The following GABRB1 variants were observed in gnomAD, a reference collection of about 807,000 sequenced individuals.
The protein encoded by GABRB1 is gamma-aminobutyric acid receptor subunit beta-1.
A neutral mutation model predicts 51.6 loss-of-function variants in GABRB1; 17 were observed. That is an observed-to-expected ratio of 0.33 (90% CI 0.23 to 0.49). GABRB1 has a LOEUF of 0.49. GABRB1 is among the 20% of genes least tolerant of loss of function. The probability of loss-of-function intolerance (pLI) is 0.99; values close to 1 mark genes in which losing one functional copy is unlikely to be tolerated. For missense variants in GABRB1, 410 were observed against 600.6 expected, an observed-to-expected ratio of 0.68 and a Z score of 3.32; for synonymous variants, 247 against 218.9, an observed-to-expected ratio of 1.13 and a Z score of -1.14.
intron 3 of GABRB1, among the ~76,000 whole-genome samples, chr4:47,046,794 A>G (rs1452258539): frequency 3.3e-5 from 5 of 152,202 alleles, no homozygotes; most frequent in Admixed American, 6.6e-5. Context: ...CATATACACC[A>G]TGGAATACTA....
At chr4:47,374,082 C>T (rs905959249) in intron 5 of GABRB1, among the ~76,000 whole-genome samples, 3 of 152,098 alleles carry the variant, frequency 2.0e-5, no homozygotes, top group African/African-American at 7.2e-5. Context: ...GAGAATTGCA[C>T]CCAGAAAATG....
chr4:47,017,069 T>G (rs916069306), intron 1 of GABRB1, among the ~76,000 whole-genome samples: 2 of 152,218 alleles, frequency 1.3e-5, no homozygotes, highest in Admixed American at 6.5e-5. Context: ...TCTTAGATTG[T>G]AGGAAGTGCT....
chr4:47,019,627 CTTTCTTTCTTTCTT>C (rs1724855579), intron 1 of GABRB1, among the ~76,000 whole-genome samples: 1 of 87,646 alleles, frequency 1.1e-5, no homozygotes, highest in Non-Finnish European at 2.3e-5. Context: ...CTTTCTCTCT[CTTTCTTTCTTTCTT>C]TCTTTCTTTC....
At position 47,006,638 on chromosome 4, in the gene GABRB1, T is replaced by A. The variant is rs190706739; in HGVS notation, c.-20+12712T>A. Among the ~76,000 whole-genome samples, 3 of 152,320 alleles carry A rather than the reference T, an allele frequency of 2.0e-5. No individual in the cohort carries two copies. The East Asian group carries it at 5.8e-4, about 29-fold the overall frequency. On this transcript the variant is annotated intron_variant, in intron 1 of 3. Transcript: ENST00000513567. Reference sequence around the variant, plus strand: ...AGAATAAAAAATCATTATATCTAGGTTTAGCATAAGGTTCTGTAACTAACA... The same window carrying A: ...AGAATAAAAAATCATTATATCTAGGATTAGCATAAGGTTCTGTAACTAACA...
At chr4:47,250,051 T>C (rs1328287144) in intron 4 of GABRB1, among the ~76,000 whole-genome samples, 1 of 152,142 alleles carries the variant, frequency 6.6e-6, no homozygotes, top group African/African-American at 2.4e-5. Context: ...AGGTCTTGTG[T>C]GATTTATGCT....
chr4:47,371,596 T>A (rs1727199216), intron 5 of GABRB1, among the ~76,000 whole-genome samples: 1 of 152,258 alleles, frequency 6.6e-6, no homozygotes, highest in South Asian at 2.1e-4. Context: ...CTCACGAGCA[T>A]CTGTTGTTTC....
chr4:47,357,390 G>T (rs1726625209), intron 5 of GABRB1, among the ~76,000 whole-genome samples: 1 of 152,134 alleles, frequency 6.6e-6, no homozygotes, highest in Non-Finnish European at 1.5e-5. Flanking sequence ...CTACATATGT[G>T]GTGAATGTTG....
intron 5 of GABRB1, among the ~76,000 whole-genome samples, chr4:47,357,750 C>A (rs962644705): frequency 2.0e-5 from 3 of 152,138 alleles, no homozygotes; most frequent in African/African-American, 7.2e-5. Context: ...ACCAGTTCTA[C>A]AGCATTTATT....
intron 8 of GABRB1, among the ~76,000 whole-genome samples, chr4:47,423,232 A>G (rs1729146456): frequency 6.6e-6 from 1 of 152,198 alleles, no homozygotes. Flanking sequence ...AACTTTAAGG[A>G]AAGACAAAAT....
At chr4:47,266,184 A>T (rs1457379220) in intron 4 of GABRB1, among the ~76,000 whole-genome samples, 3 of 152,130 alleles carry the variant, frequency 2.0e-5, no homozygotes, top group Non-Finnish European at 4.4e-5. Context: ...AGCACCATTT[A>T]TTAAATAGGG....
chr4:47,347,303 TTAA>T (rs974677120), intron 5 of GABRB1, among the ~76,000 whole-genome samples: 30 of 151,582 alleles, frequency 2.0e-4, no homozygotes, highest in Admixed American at 8.6e-4. Flanking sequence ...ATAATAATAA[TTAA>T]TAATAATAAT....
intron 4 of GABRB1, among the ~76,000 whole-genome samples, chr4:47,243,808 C>T (rs1166659370): frequency 6.6e-6 from 1 of 152,216 alleles, no homozygotes; most frequent in East Asian, 1.9e-4. Context: ...TTTTCTAAAT[C>T]TATAATCATG....
At chr4:47,354,112 C>A (rs1005904146) in intron 5 of GABRB1, among the ~76,000 whole-genome samples, 4 of 152,140 alleles carry the variant, frequency 2.6e-5, no homozygotes, top group Non-Finnish European at 5.9e-5. Context: ...ACCCCTAGAA[C>A]CCTCAGGTCT....
rs1380472460 is a variant in GABRB1, at chr4:47,388,247, TAATGCCTGGAGTCTA to T, written c.545-15063_545-15049del. Reference sequence around the variant, plus strand: ...TGAATACATTTTAATGTATTTGATATAATGCCTGGAGTCTAAATGCCTTTAAATGGGTATGGTCTA... The same window carrying T: ...TGAATACATTTTAATGTATTTGATATAATGCCTTTAAATGGGTATGGTCTA... On this transcript the variant is annotated intron_variant, in intron 5 of 8. Coordinates refer to ENST00000295454, the MANE Select transcript of GABRB1 (RefSeq NM_000812.4). Among the ~76,000 whole-genome samples the T allele has an allele frequency of 3.3e-5, 5 of 152,340 alleles. No homozygotes were observed. The East Asian group carries it at 5.8e-4, about 18-fold the overall frequency.
Position 47,367,849 on chromosome 4 carries a change from G to A in GABRB1, c.545-35469G>A, listed in dbSNP as rs1727035940. On this transcript the variant is annotated intron_variant, in intron 5 of 8. Transcript: ENST00000295454. ...TCCAAAAGGATGTACAGAAACCCCA[G>A]CCAGTTTTGGCTGTGCCATGCCCCA... Among the ~76,000 whole-genome samples the A allele has an allele frequency of 3.9e-5, 6 of 152,198 alleles. No individual in the cohort carries two copies. In the South Asian group the frequency reaches 1.2e-3, roughly 32 times the overall value.
chr4:47,090,462 T>G (rs1728246601), intron 3 of GABRB1, among the ~76,000 whole-genome samples: 1 of 152,188 alleles, frequency 6.6e-6, no homozygotes, highest in African/African-American at 2.4e-5. Context: ...ATTTAAACAC[T>G]GCAATGAGAT....
chr4:47,090,649 G>A (rs1311010126), intron 3 of GABRB1, among the ~76,000 whole-genome samples: 3 of 152,184 alleles, frequency 2.0e-5, no homozygotes, highest in African/African-American at 7.2e-5. Flanking sequence ...TCTTAGGGAA[G>A]TAGGGAAATA....
chr4:47,126,018 ATACATATAT>A (rs1716123397), intron 3 of GABRB1, among the ~76,000 whole-genome samples: 1 of 151,386 alleles, frequency 6.6e-6, no homozygotes, highest in African/African-American at 2.4e-5. Context: ...ATATGTATAC[ATACATATAT>A]ACACACATAT....
chr4:47,357,215 C>A (rs975962934), intron 5 of GABRB1, among the ~76,000 whole-genome samples: 1 of 152,172 alleles, frequency 6.6e-6, no homozygotes, highest in Non-Finnish European at 1.5e-5. Flanking sequence ...TAAACCAATT[C>A]AACACATACA....
Sources: allele counts gnomAD v4.1 joint callset (sites outside exome capture counted in the v4.1 genomes callset), GRCh38; gene constraint gnomAD v4.1.1; transcripts MANE v1.5; gene names NCBI Gene and HGNC (gene_info 2026-07-23, HGNC 2026-07-21).